The following SLC17A5 variants were observed in gnomAD, a reference collection of about 807,000 sequenced individuals.
SLC17A5 encodes solute carrier family 17 member 5.
SLC17A5 carries 47 observed loss-of-function variants against 59.4 expected under a neutral mutation model. The ratio of observed to expected loss-of-function variants is 0.79; its 90% CI spans 0.63 to 1.01. The LOEUF (loss-of-function observed/expected upper bound fraction) is 1.01, where lower values mean the gene tolerates loss of function less well. Among genes scored for constraint, SLC17A5 ranks in the 50% least tolerant of loss-of-function variants. SLC17A5 has a pLI of 0.00. For missense variants in SLC17A5, 522 were observed against 595.5 expected, an observed-to-expected ratio of 0.88 and a Z score of 1.28; for synonymous variants, 202 against 210.7, an observed-to-expected ratio of 0.96 and a Z score of 0.36.
intron 9 of SLC17A5, among the ~76,000 whole-genome samples, chr6:73,608,226 T>C (rs1353197038): frequency 6.6e-6 from 1 of 152,112 alleles, no homozygotes; most frequent in Non-Finnish European, 1.5e-5. Context: ...ACTTTTGGGG[T>C]AGGTGCTGAT....
At chr6:73,621,000 AATTATT>A (rs1554162719) in intron 7 of SLC17A5, among the ~76,000 whole-genome samples, 12 of 150,298 alleles carry the variant, frequency 8.0e-5, no homozygotes, top group African/African-American at 2.7e-4. Flanking sequence ...TGCTGGGATT[AATTATT>A]ATTATTATTA....
chr6:73,635,725 C>T (rs1330261632), intron 5 of SLC17A5, among the ~76,000 whole-genome samples: 4 of 150,778 alleles, frequency 2.7e-5, no homozygotes, highest in African/African-American at 9.7e-5. Flanking sequence ...ATTGCTTATA[C>T]ATTTTGAAGA....
intron 3 of SLC17A5, among the ~76,000 whole-genome samples, chr6:73,639,598 T>C (rs1311966606): frequency 6.6e-6 from 1 of 152,124 alleles, no homozygotes. Context: ...TTATAAAACC[T>C]AGGGACAATG....
chr6:73,605,923 G>A (rs9442928), intron 9 of SLC17A5, among the ~76,000 whole-genome samples: 3,668 of 152,158 alleles, frequency 0.024, 141 homozygotes, highest in African/African-American at 0.083. Context: ...GTTGCGGTGA[G>A]CTGAGATTGC....
At chr6:73,599,264 T>C (rs1377423170) in intron 10 of SLC17A5, among the ~76,000 whole-genome samples, 1 of 152,058 alleles carries the variant, frequency 6.6e-6, no homozygotes, top group Non-Finnish European at 1.5e-5. Flanking sequence ...CAGGCTGGAG[T>C]GCAGAGGCAT....
intron 1 of SLC17A5, among the ~76,000 whole-genome samples, chr6:73,652,776 C>T (rs1268461507): frequency 1.3e-5 from 2 of 151,892 alleles, no homozygotes; most frequent in Admixed American, 1.3e-4. Flanking sequence ...GCCACCTCTA[C>T]TGCCACCATC....
chr6:73,637,654 T>C (rs1232843681), intron 4 of SLC17A5, among the ~76,000 whole-genome samples: 2 of 152,180 alleles, frequency 1.3e-5, no homozygotes, highest in Non-Finnish European at 2.9e-5. Flanking sequence ...AACCCTTATG[T>C]TATTTCTTGC....
In SLC17A5 at chr6:73,618,244, G is replaced by GAAATAAAATAAAATA. The variant is rs372079299; in HGVS notation, c.979-2812_979-2798dup. ...ACTCAGTCTTAAAATAAAATAAAAT[G>GAAATAAAATAAAATA]AAATAAAATAAAATAAAATAAAATA... is the stretch of plus-strand genomic sequence containing the variant. On this transcript the variant is annotated intron_variant, in intron 7 of 10. Coordinates refer to ENST00000355773, the MANE Select transcript of SLC17A5 (RefSeq NM_012434.5). 55 of 141,406 alleles carry GAAATAAAATAAAATA rather than the reference G, an allele frequency of 3.9e-4. 1 individual carries two copies. The highest frequency in any genetic ancestry group is 2.0e-3 in the Admixed American group (26 of 13,154). The allele number at this position is 141,406 out of a possible 1,614,324, so 8.8% of individuals were successfully genotyped here.
intron 9 of SLC17A5, among the ~76,000 whole-genome samples, chr6:73,606,050 T>C (rs1413005991): frequency 6.6e-6 from 1 of 152,144 alleles, no homozygotes; most frequent in Non-Finnish European, 1.5e-5. Flanking sequence ...TATTTATTTA[T>C]TTAATTTTTT....
chr6:73,607,775 A>ATTT (rs10716332), intron 9 of SLC17A5, among the ~76,000 whole-genome samples: 12,796 of 130,272 alleles, frequency 0.098, 766 homozygotes, highest in Middle Eastern at 0.17. Flanking sequence ...GTTCCTTATA[A>ATTT]TTTTTTTTTT....
At chr6:73,623,083 C>T (rs1244232809) in intron 6 of SLC17A5, among the ~76,000 whole-genome samples, 1 of 152,166 alleles carries the variant, frequency 6.6e-6, no homozygotes, top group Non-Finnish European at 1.5e-5. Context: ...GTCACCCAGG[C>T]TGGAGTGCAG....
chr6:73,626,335 A>G (rs1003163349), intron 6 of SLC17A5, among the ~76,000 whole-genome samples: 2 of 152,228 alleles, frequency 1.3e-5, no homozygotes, highest in African/African-American at 2.4e-5. Context: ...ACAGGGTTAG[A>G]GGCTTAGAAA....
At chr6:73,636,189 C>T (rs914187369) in intron 5 of SLC17A5, among the ~76,000 whole-genome samples, 1 of 151,054 alleles carries the variant, frequency 6.6e-6, no homozygotes, top group South Asian at 2.1e-4. Flanking sequence ...ATATTTCTTG[C>T]ATGACATGTC....
At chr6:73,631,138 G>A (rs1768688732) in intron 6 of SLC17A5, among the ~76,000 whole-genome samples, 1 of 151,410 alleles carries the variant, frequency 6.6e-6, no homozygotes, top group Non-Finnish European at 1.5e-5. Flanking sequence ...GGGTTGTCCT[G>A]TTGAACCGAA....
chr6:73,637,132 G>C (rs554114353), intron 4 of SLC17A5, among the ~76,000 whole-genome samples: 1 of 151,194 alleles, frequency 6.6e-6, no homozygotes, highest in East Asian at 1.9e-4. Context: ...TTAGAAAAAA[G>C]ATATAGAGGT....
rs1768937817 is a variant in SLC17A5, at chr6:73,635,181, C to T, written c.819+201G>A. The stretch of plus-strand genomic sequence containing the variant: ...CTCCTGACCTCAAATGATCCTCCCA[C>T]CTAGACCTCCCCAAAGGACTGGGAT... On this transcript the variant is annotated intron_variant, in intron 6 of 10. Transcript: ENST00000355773. 7.0e-6 allele frequency: 3 copies of T among 430,708 alleles called. No individual in the cohort carries two copies. In the East Asian group the frequency reaches 1.1e-4, roughly 16 times the overall value. The allele number at this position is 430,708 out of a possible 1,614,324, so 26.7% of individuals were successfully genotyped here. A position where few individuals can be genotyped will look rare whatever the true frequency, so the allele number is the denominator to read the frequency against.
chr6:73,653,967 C>T lies in SLC17A5; in HGVS notation c.-81G>A. On this transcript the variant is annotated 5_prime_UTR_variant, in exon 1 of 11. Transcript: ENST00000355773. ...GACAGCCCGAAGCCCCCGGGCCGAG[C>T]TGGCTGGACCGGGCGGGGCGGGGGC... 8.0e-7 allele frequency: 1 copy of T among 1,253,824 alleles called. No individual in the cohort carries two copies. The highest frequency in any genetic ancestry group is 1.5e-5 in the African/African-American group (1 of 65,710). The allele number at this position is 1,253,824 out of a possible 1,614,324, so 77.7% of individuals were successfully genotyped here. A position where few individuals can be genotyped will look rare whatever the true frequency, so the allele number is the denominator to read the frequency against.
chr6:73,607,870 G>C (rs1356543033), intron 9 of SLC17A5, among the ~76,000 whole-genome samples: 1 of 149,578 alleles, frequency 6.7e-6, no homozygotes, highest in Non-Finnish European at 1.5e-5. Flanking sequence ...TCTGCCTCCC[G>C]GGTTCAAGCG....
At chr6:73,611,296 T>C (rs1033930419) in intron 8 of SLC17A5, among the ~76,000 whole-genome samples, 4 of 152,168 alleles carry the variant, frequency 2.6e-5, no homozygotes, top group African/African-American at 9.7e-5. Flanking sequence ...TCTCTTTTTT[T>C]TGAGCTGGAG....
Sources: gnomAD v4.1 joint callset for allele counts (sites outside exome capture counted in the v4.1 genomes callset) on GRCh38, gnomAD v4.1.1 for gene constraint, MANE v1.5 for transcripts, NCBI Gene and HGNC (gene_info 2026-07-23, HGNC 2026-07-21) for gene names.